Variants in MIA2 observed in about 807,000 individuals in gnomAD.
MIA2 encodes the protein MIA SH3 domain ER export factor 2, also known as melanoma inhibitory activity protein 2.
A neutral mutation model predicts 167.8 loss-of-function variants in MIA2; 127 were observed. That is an observed-to-expected ratio of 0.76 (90% CI 0.66 to 0.88). The LOEUF is 0.88. Among genes scored for constraint, MIA2 ranks in the 40% least tolerant of loss-of-function variants. MIA2 has a pLI of 0.00. For synonymous variants in MIA2, 552 were observed against 541.9 expected (o/e 1.02, Z -0.26); for missense variants, 1,690 against 1,624.7 (o/e 1.04, Z -0.69).
At chr14:39,251,679 T>C (rs564306834) in intron 4 of MIA2, among the ~76,000 whole-genome samples, 2 of 152,238 alleles carry the variant, frequency 1.3e-5, no homozygotes, top group East Asian at 1.9e-4. Context: ...ATTTGTATGC[T>C]CTTGTTAAGT....
At chr14:39,325,497 A>G (rs915952130) in intron 24 of MIA2, among the ~76,000 whole-genome samples, 5 of 145,972 alleles carry the variant, frequency 3.4e-5, no homozygotes, top group East Asian at 2.1e-4. Context: ...CCTCCTGAGT[A>G]GCTGGGACTA....
intron 23 of MIA2, among the ~76,000 whole-genome samples, chr14:39,361,688 C>T (rs1372466941): frequency 1.3e-5 from 2 of 152,148 alleles, no homozygotes; most frequent in Non-Finnish European, 2.9e-5. Flanking sequence ...GATCCACCCG[C>T]CTTGGCCTCC....
At chr14:39,280,664 G>A (rs866139666) in intron 9 of MIA2, among the ~76,000 whole-genome samples, 14 of 151,986 alleles carry the variant, frequency 9.2e-5, no homozygotes, top group African/African-American at 3.1e-4. Flanking sequence ...ACCAGGAGAC[G>A]GAGCTTGCAG....
At chr14:39,352,921 A>G (rs1308458414), downstream of MIA2, among the ~76,000 whole-genome samples, 1 of 152,146 alleles carries the variant, frequency 6.6e-6, no homozygotes, top group Admixed American at 6.5e-5. Context: ...GTATTAAGAT[A>G]TTGTTATTAG....
chr14:39,331,531 A>T (rs1341910762), intron 25 of MIA2, among the ~76,000 whole-genome samples: 1 of 152,076 alleles, frequency 6.6e-6, no homozygotes, highest in Non-Finnish European at 1.5e-5. Flanking sequence ...CCATTAGTTG[A>T]TGCAGTTTCT....
chr14:39,303,456 G>A, intron 15 of MIA2, 22 bp from the exon 16 acceptor site: 2 of 1,590,162 alleles, frequency 1.3e-6, no homozygotes, highest in Non-Finnish European at 1.7e-6. Context: ...AATCATTGTT[G>A]TGCTTTTGAT....
chr14:39,378,307 A>T (rs7149971), intron 23 of MIA2, among the ~76,000 whole-genome samples: 34,290 of 152,158 alleles, frequency 0.23, 5,211 homozygotes, highest in Non-Finnish European at 0.34. Context: ...GTCTGCTACT[A>T]GTTCATCCCA....
At chr14:39,316,095 G>A (rs2065374068) in intron 21 of MIA2, among the ~76,000 whole-genome samples, 1 of 152,156 alleles carries the variant, frequency 6.6e-6, no homozygotes, top group African/African-American at 2.4e-5. Context: ...TAGATTAAGT[G>A]ATCTTAGAAG....
intron 23 of MIA2, chr14:39,386,262 A>G: frequency 2.1e-6 from 3 of 1,436,150 alleles, no homozygotes; most frequent in Non-Finnish European, 2.9e-6. Context: ...TCCTTTGATA[A>G]CTCAGTCGGT....
At chr14:39,286,083 C>G (rs1391684682) in intron 9 of MIA2, among the ~76,000 whole-genome samples, 1 of 152,184 alleles carries the variant, frequency 6.6e-6, no homozygotes, top group Non-Finnish European at 1.5e-5. Context: ...CTTTGGGAGG[C>G]CAAGGCAGGT....
At chr14:39,267,578 G>A in intron 6 of MIA2, 1 of 1,599,166 alleles carries the variant, frequency 6.3e-7, no homozygotes, top group Non-Finnish European at 8.5e-7. Context: ...AGCCGCCGGG[G>A]GAAGGAAGCA....
rs1233650716 is a variant in MIA2 at position 39,295,005 on chromosome 14, T to C, written c.2472T>C (p.Ser824=). The change falls in exon 13 of 29, where the codon TCT becomes TCC. Residue 824 remains serine (S), a synonymous_variant. Coordinates refer to ENST00000640607, the MANE Select transcript of MIA2 (RefSeq NM_001329214.4). ...TAAAAGATGCTTTGAATGAAAATTCTCAACTTCAGGAAAGCCAGAAACAGG... is the reference window on the plus strand; with the variant it reads ...TAAAAGATGCTTTGAATGAAAATTCCCAACTTCAGGAAAGCCAGAAACAGG... ...IAIKDALNEN[S]QLQESQKQLL... is the part of the protein sequence containing the mutation. 8 of 1,612,976 alleles carry C rather than the reference T, an allele frequency of 5.0e-6. No homozygotes were observed. In the Middle Eastern group the frequency reaches 6.6e-4, roughly 133 times the overall value.
intron 3 of MIA2, among the ~76,000 whole-genome samples, chr14:39,245,329 A>G (rs2054248275): frequency 6.6e-6 from 1 of 152,126 alleles, no homozygotes; most frequent in Non-Finnish European, 1.5e-5. Context: ...GAAGAAGAAG[A>G]ATTAATTGTC....
At chr14:39,261,400 T>C (rs2055106750) in intron 6 of MIA2, among the ~76,000 whole-genome samples, 1 of 152,172 alleles carries the variant, frequency 6.6e-6, no homozygotes, top group Non-Finnish European at 1.5e-5. Flanking sequence ...TGTTGGACAT[T>C]TGGGTTGGTT....
At chr14:39,335,556 T>C (rs767557742) in intron 25 of MIA2, among the ~76,000 whole-genome samples, 1 of 152,210 alleles carries the variant, frequency 6.6e-6, no homozygotes, top group Non-Finnish European at 1.5e-5. Context: ...CTCTAACTTA[T>C]CTCTTTTCTC....
At chr14:39,312,298 T>C (rs1220570646) in intron 18 of MIA2, among the ~76,000 whole-genome samples, 1 of 126,718 alleles carries the variant, frequency 7.9e-6, no homozygotes, top group East Asian at 1.9e-4. Flanking sequence ...TAAAAACACA[T>C]CTCTCTTCCA....
intron 23 of MIA2, among the ~76,000 whole-genome samples, chr14:39,369,591 C>T (rs1238278857): frequency 6.6e-6 from 1 of 152,186 alleles, no homozygotes; most frequent in Non-Finnish European, 1.5e-5. Flanking sequence ...TGCTCCTCCT[C>T]TCCTCCAAAA....
At chr14:39,262,274 T>A (rs1317812051) in intron 6 of MIA2, among the ~76,000 whole-genome samples, 1 of 152,232 alleles carries the variant, frequency 6.6e-6, no homozygotes, top group East Asian at 1.9e-4. Context: ...AAATAGGTTA[T>A]CCTTTCCCCA....
intron 23 of MIA2, among the ~76,000 whole-genome samples, chr14:39,364,517 G>A (rs909122303): frequency 3.3e-5 from 5 of 151,314 alleles, no homozygotes; most frequent in Non-Finnish European, 5.9e-5. Context: ...TTACCAGTAA[G>A]TTTTATACTT....
Sources: gnomAD v4.1 joint callset for allele counts (sites outside exome capture counted in the v4.1 genomes callset) on GRCh38, gnomAD v4.1.1 for gene constraint, MANE v1.5 for transcripts, NCBI Gene and HGNC (gene_info 2026-07-23, HGNC 2026-07-21) for gene names.